The following GAB4 variants were observed in gnomAD, a reference collection of about 807,000 sequenced individuals.
GAB4 encodes the protein GRB2-associated-binding protein 4.
Under a neutral mutation model 51.3 loss-of-function variants are expected in GAB4, and 26 were observed. The ratio of observed to expected loss-of-function variants is 0.51; its 90% confidence interval spans 0.37 to 0.70. The LOEUF is 0.70. Among genes scored for constraint, GAB4 ranks in the 30% least tolerant of loss-of-function variants. The pLI is 0.00. For synonymous variants in GAB4, 329 were observed against 291.2 expected (o/e 1.13, Z -1.32); for missense variants, 759 against 734.6 (o/e 1.03, Z -0.38).
chr22:16,978,440 G>A (rs2060798881), intron 3 of GAB4, among the ~76,000 whole-genome samples: 1 of 151,994 alleles, frequency 6.6e-6, no homozygotes, highest in Non-Finnish European at 1.5e-5. Context: ...AGAAGAAATG[G>A]GCAAATACCT....
intron 3 of GAB4, among the ~76,000 whole-genome samples, chr22:16,970,823 G>A (rs772594881): frequency 3.3e-5 from 5 of 152,244 alleles, no homozygotes; most frequent in East Asian, 1.9e-4. Context: ...GAGGCAATTC[G>A]AAGGAAAAGT....
intron 3 of GAB4, among the ~76,000 whole-genome samples, chr22:16,984,898 G>A (rs563742903): frequency 1.8e-4 from 27 of 152,282 alleles, no homozygotes; most frequent in Non-Finnish European, 3.1e-4. Flanking sequence ...GAGTTTCCAG[G>A]AAAGTTTTAA....
intron 9 of GAB4, among the ~76,000 whole-genome samples, chr22:16,963,215 CA>C (rs1381025778): frequency 6.6e-6 from 1 of 152,152 alleles, no homozygotes; most frequent in Non-Finnish European, 1.5e-5. Flanking sequence ...TAGGCCTTTC[CA>C]GGGGTGCCCT....
chr22:16,966,553 C>G lies in GAB4; in HGVS notation c.1024-189G>C, dbSNP rs961205340. 6.5e-6 allele frequency: 4 copies of G among 614,134 alleles called. No homozygotes were observed. In the African/African-American group the frequency reaches 7.4e-5, roughly 11 times the overall value. The allele number at this position is 614,134 out of a possible 1,614,324, so 38.0% of individuals were successfully genotyped here. A position where few individuals can be genotyped will look rare whatever the true frequency, so the allele number is the denominator to read the frequency against. On this transcript the variant is annotated intron_variant, in intron 5 of 9. Transcript: ENST00000400588. ...GATAGAAGTGCCCCAGCCAGGAACC[C>G]CATGGATGGGGCCCCTCTGGGCAGC...
intron 1 of GAB4, among the ~76,000 whole-genome samples, chr22:16,997,156 C>T (rs780298563): frequency 7.9e-5 from 12 of 152,304 alleles, no homozygotes; most frequent in East Asian, 7.7e-4. Flanking sequence ...TGGGTATATA[C>T]CCAGTAATGG....
rs1309795854 is a variant in GAB4 at position 16,988,140 on chromosome 22, C to T, written c.506G>A (p.Ser169Asn). 3 of 1,613,276 alleles carry T rather than the reference C, an allele frequency of 1.9e-6. No homozygotes were observed. The East Asian group carries it at 6.7e-5, about 36-fold the overall frequency. The change falls in exon 3 of 10, where the codon AGT (serine) becomes AAT (asparagine). Residue 169 changes from serine (S) to asparagine (N), a missense_variant. This residue lies in a region of GAB4 where 88 missense variants were observed against 151.3 expected (regional missense o/e 0.58). Transcript: ENST00000400588. ...AGCTGGAGAAGAGCAGAGGCCGTGA[C>T]TGGCTGAGGAAATGTTTCCCAGGAA... is the stretch of plus-strand genomic sequence containing the variant. ...TGFLGNISSA[S>N]HGLCSSPAEP...
chr22:16,962,935 G>C (rs1281019264), intron 9 of GAB4, 59 bp from the exon 10 acceptor site: 1 of 1,532,292 alleles, frequency 6.5e-7, no homozygotes, highest in African/African-American at 1.4e-5. Flanking sequence ...GGTGAGGAAG[G>C]GCAGGCCAAG....
In GAB4 at chr22:16,963,772, T is replaced by C. The variant is rs1452626949; in HGVS notation, c.1534A>G (p.Ser512Gly). ...GCCGCGTAGTGGATGTTACCAGTGC[T>C]CCTCGGCGGGGCTGAACTGCTGGTG... is the stretch of plus-strand genomic sequence containing the variant. The part of the protein sequence containing the change: ...GGTSSSAPPR[S>G]TGNIHYAALD... The change falls in exon 9 of 10, where the codon AGC (serine) becomes GGC (glycine). Residue 512 changes from serine to glycine, a missense_variant. This residue lies in a region of GAB4 where 588 missense variants were observed against 510.2 expected (regional missense o/e 1.15). Coordinates refer to ENST00000400588, the MANE Select transcript of GAB4 (RefSeq NM_001037814.1). 11 of 1,613,758 alleles carry C rather than the reference T, an allele frequency of 6.8e-6. No homozygotes were observed. The highest frequency in any genetic ancestry group is 8.5e-6 in the Non-Finnish European group (10 of 1,179,990).
intron 2 of GAB4, among the ~76,000 whole-genome samples, chr22:16,990,544 G>A (rs1437599044): frequency 6.6e-6 from 1 of 152,064 alleles, no homozygotes; most frequent in African/African-American, 2.4e-5. Flanking sequence ...ACCCTGTCCT[G>A]TCACCCCATG....
intron 4 of GAB4, 143 bp downstream of exon 4, chr22:16,969,800 G>A (rs1363581970): frequency 2.9e-6 from 3 of 1,035,416 alleles, no homozygotes; most frequent in Non-Finnish European, 4.3e-6. Context: ...CCACCACCAT[G>A]GCATAGAGGT....
intron 1 of GAB4, among the ~76,000 whole-genome samples, chr22:16,992,607 G>A (rs754249286): frequency 1.3e-5 from 2 of 152,200 alleles, no homozygotes; most frequent in Non-Finnish European, 2.9e-5. Context: ...TAAACAAGTA[G>A]CAGAAAAACA....
At chr22:17,006,036 T>C (rs999128625) in intron 1 of GAB4, among the ~76,000 whole-genome samples, 3 of 152,162 alleles carry the variant, frequency 2.0e-5, no homozygotes, top group Admixed American at 6.5e-5. Flanking sequence ...CTATTTAAAC[T>C]AAAGAGCTTC....
intron 9 of GAB4, 105 bp downstream of exon 9, chr22:16,963,620 G>C: frequency 2.7e-6 from 2 of 746,934 alleles, no homozygotes; most frequent in Admixed American, 2.1e-5. Flanking sequence ...TGGGCTGGGA[G>C]TGGCAGCCCA....
rs767243331 is a variant in GAB4, at chr22:16,966,322, C to T, written c.1066G>A (p.Glu356Lys). The change falls in exon 6 of 10, where the codon GAG (glutamate) becomes AAG (lysine). Residue 356 changes from glutamate to lysine, a missense_variant. Around this residue, in one of 3 missense-constraint regions of GAB4, gnomAD observed 588 missense variants for 510.2 expected, o/e 1.15. Transcript: ENST00000400588. ...LVGLSDSIAS[E>K]GSCVPMNPGS... ...GGGTTCATGGGCACACAGCTGCCCT[C>T]AGAAGCAATGCTGTCTGACAGGCCC... 6.2e-7 allele frequency: 1 copy of T among 1,613,638 alleles called. No homozygotes were observed. Among genetic ancestry groups the T allele is most frequent in the Non-Finnish European group, 8.5e-7 (1 of 1,179,950 alleles).
At chr22:16,995,352 C>G (rs1297360873) in intron 1 of GAB4, among the ~76,000 whole-genome samples, 1 of 152,238 alleles carries the variant, frequency 6.6e-6, no homozygotes, top group Non-Finnish European at 1.5e-5. Context: ...CTGTAATTTA[C>G]TGGAAATCCT....
intron 3 of GAB4, among the ~76,000 whole-genome samples, chr22:16,978,236 T>C (rs896527654): frequency 1.4e-4 from 21 of 151,970 alleles, no homozygotes; most frequent in African/African-American, 4.4e-4. Flanking sequence ...AATCGATGAA[T>C]CCACGAGCTG....
At chr22:16,998,260 A>T (rs1406420556) in intron 1 of GAB4, among the ~76,000 whole-genome samples, 1 of 152,168 alleles carries the variant, frequency 6.6e-6, no homozygotes, top group Non-Finnish European at 1.5e-5. Flanking sequence ...CACAATATTG[A>T]TTCTTCCTAC....
In GAB4 at chr22:16,966,373, A is replaced by G. The variant is rs760313886; in HGVS notation, c.1024-9T>C. ...ACAAGCGTTCTTCCTGGCTAGGAAG[A>G]GGACAGTGAAAGAAACACAGCTATC... On this transcript the variant is annotated splice_polypyrimidine_tract_variant and intron_variant, in intron 5 of 9. Coordinates refer to ENST00000400588, the MANE Select transcript of GAB4 (RefSeq NM_001037814.1). The G allele has an allele frequency of 1.9e-6, 3 of 1,605,742 alleles. No individual in the cohort carries two copies. The highest frequency in any genetic ancestry group is 2.6e-6 in the Non-Finnish European group (3 of 1,174,336).
chr22:16,979,203 T>C (rs2060806267), intron 3 of GAB4, among the ~76,000 whole-genome samples: 1 of 152,074 alleles, frequency 6.6e-6, no homozygotes, highest in Non-Finnish European at 1.5e-5. Flanking sequence ...GAGAAAGAAA[T>C]AAAGGGTATT....
Sources: gnomAD v4.1 joint callset for allele counts (sites outside exome capture counted in the v4.1 genomes callset) on GRCh38, gnomAD v4.1.1 for gene constraint, gnomAD v4.1.1 regional missense constraint, MANE v1.5 for transcripts, NCBI Gene and HGNC (gene_info 2026-07-23, HGNC 2026-07-21) for gene names.